Variants in SIMC1 observed in about 807,000 individuals in gnomAD.
SIMC1 encodes the protein SUMO-interacting motif-containing protein 1.
Under a neutral mutation model 82.3 loss-of-function variants are expected in SIMC1, and 55 were observed. The observed-to-expected ratio is 0.67, with a 90% CI of 0.54 to 0.84. The LOEUF (loss-of-function observed/expected upper bound fraction) is 0.84. SIMC1 is among the 40% of genes least tolerant of loss of function. The probability of loss-of-function intolerance (pLI) is 0.00; values close to 1 mark genes in which losing one functional copy is unlikely to be tolerated. For synonymous variants in SIMC1, 353 were observed against 426.3 expected, an observed-to-expected ratio of 0.83 and a Z score of 2.12; for missense variants, 915 against 1,107.2, an observed-to-expected ratio of 0.83 and a Z score of 2.46.
At chr5:176,266,663 AG>A (rs1227388575) in intron 1 of SIMC1, among the ~76,000 whole-genome samples, 2 of 106,182 alleles carry the variant, frequency 1.9e-5, no homozygotes. Context: ...GGAGGGGGAA[AG>A]GGCAGTCAAT....
chr5:176,325,231 A>T (rs531086177), intron 7 of SIMC1, among the ~76,000 whole-genome samples: 16 of 152,170 alleles, frequency 1.1e-4, no homozygotes, highest in African/African-American at 3.6e-4. Flanking sequence ...TACTAAAAAT[A>T]CAAAAATTAG....
intron 7 of SIMC1, among the ~76,000 whole-genome samples, chr5:176,333,874 T>C (rs920715316): frequency 5.9e-5 from 9 of 152,082 alleles, no homozygotes; most frequent in Admixed American, 6.5e-5. Context: ...TTGTTTTCTC[T>C]CTTTCTCTCT....
rs182193299 is a variant in SIMC1 at position 176,327,478 on chromosome 5, G to A, written c.2171+2721G>A. Among the ~76,000 whole-genome samples the A allele has an allele frequency of 1.1e-4, 17 of 152,258 alleles. 1 individual carries two copies. The East Asian group carries it at 3.3e-3, about 29-fold the overall frequency. Reference sequence around the variant, plus strand: ...AACCTTAATAAATTAACTTATTCTAGTAGGATTTTTGTTTGTTTTCCTTAG... The same window carrying A: ...AACCTTAATAAATTAACTTATTCTAATAGGATTTTTGTTTGTTTTCCTTAG... On this transcript the variant is annotated intron_variant, in intron 7 of 9. Transcript: ENST00000429602.
At chr5:176,333,435 T>A (rs949371785) in intron 7 of SIMC1, among the ~76,000 whole-genome samples, 1 of 152,036 alleles carries the variant, frequency 6.6e-6, no homozygotes, top group African/African-American at 2.4e-5. Flanking sequence ...GGTGTTTTGT[T>A]GTGTTTTGTT....
intron 7 of SIMC1, among the ~76,000 whole-genome samples, chr5:176,328,281 A>C (rs1019562428): frequency 6.6e-6 from 1 of 152,144 alleles, no homozygotes; most frequent in African/African-American, 2.4e-5. Flanking sequence ...CTTTTTGTAA[A>C]AAAATGATAA....
At chr5:176,305,908 G>A (rs1295358203) in intron 4 of SIMC1, among the ~76,000 whole-genome samples, 2,117 of 73,574 alleles carry the variant, frequency 0.029, 46 homozygotes, top group Middle Eastern at 0.08. Context: ...GGTGAGGGGC[G>A]CTTCTGCCCG....
At chr5:176,284,617 A>G (rs1763181613) in intron 1 of SIMC1, among the ~76,000 whole-genome samples, 1 of 152,220 alleles carries the variant, frequency 6.6e-6, no homozygotes, top group Non-Finnish European at 1.5e-5. Context: ...TAAAAGAACT[A>G]CAGAAGCAAG....
Position 176,258,379 on chromosome 5 carries a change from T to A in SIMC1, c.129+19742T>A, listed in dbSNP as rs148298055. ...ACCAGATGCTAACTAGTAGAGCAGG[T>A]TTACCACCGCTTGTCTCCATCTTTA... is the stretch of plus-strand genomic sequence containing the variant. On this transcript the variant is annotated intron_variant, in intron 1 of 9. Coordinates refer to ENST00000429602, the MANE Select transcript of SIMC1 (RefSeq NM_001308195.2). Among the ~76,000 whole-genome samples, 430 of 150,846 alleles carry A rather than the reference T, an allele frequency of 2.9e-3. 2 individuals carry two copies. The highest frequency in any genetic ancestry group is 0.01 in the Middle Eastern group (3 of 294).
chr5:176,280,846 C>T (rs1762972144), intron 1 of SIMC1, among the ~76,000 whole-genome samples: 1 of 152,194 alleles, frequency 6.6e-6, no homozygotes, highest in Non-Finnish European at 1.5e-5. Flanking sequence ...CGACCTTTCT[C>T]TCTGGCTGCC....
chr5:176,305,680 GC>G (rs1212857665), intron 4 of SIMC1, among the ~76,000 whole-genome samples: 16 of 114,908 alleles, frequency 1.4e-4, no homozygotes, highest in South Asian at 5.6e-4. Context: ...CCTCTGCCCG[GC>G]CAGCCGCCCC....
At chr5:176,286,480 A>C (rs1190382043) in intron 1 of SIMC1, among the ~76,000 whole-genome samples, 2 of 152,248 alleles carry the variant, frequency 1.3e-5, no homozygotes, top group African/African-American at 4.8e-5. Flanking sequence ...TTATACAAAA[A>C]TTAATTCAAG....
At position 176,290,439 on chromosome 5, in the gene SIMC1, G is replaced by A. The variant is rs1370462878; in HGVS notation, c.915G>A (p.Leu305=). Residue 305 remains leucine, a synonymous_variant, in exon 2 of 10, where the codon CTG becomes CTA. Coordinates refer to ENST00000429602, the MANE Select transcript of SIMC1 (RefSeq NM_001308195.2). ...TACATCCACAAGATGTGGCATACCT[G>A]CAAGACATGCCACGGTCACCAGGAG... ...SILHPQDVAY[L]QDMPRSPGDV... is the part of the protein sequence containing the mutation. 6.2e-7 allele frequency: 1 copy of A among 1,613,990 alleles called. No homozygotes were observed. Among genetic ancestry groups the A allele is most frequent in the Non-Finnish European group, 8.5e-7 (1 of 1,179,894 alleles).
rs141574250 is a variant in SIMC1, at chr5:176,326,179, G to A, written c.2171+1422G>A. On this transcript the variant is annotated intron_variant, in intron 7 of 9. Coordinates refer to ENST00000429602, the MANE Select transcript of SIMC1 (RefSeq NM_001308195.2). ...CAGTGCATCTCCACCAGCTCCATGC[G>A]TGCTTCCCATCCCCATCCCTAAACT... 4.4e-4 allele frequency among the ~76,000 whole-genome samples: 67 copies of A among 152,234 alleles called. No homozygotes were observed. In the East Asian group the frequency reaches 8.1e-3, roughly 18 times the overall value.
rs769410965 is a variant in SIMC1, at chr5:176,295,304, A to T, written c.1664+42A>T. On this transcript the variant is annotated intron_variant, in intron 3 of 9. Transcript: ENST00000429602. ...CTGGCTGTTGGCGAATCTTCTAGGG[A>T]TCTTGGACTCAGGGCATAGCTTTCT... The T allele has an allele frequency of 3.8e-5, 60 of 1,561,160 alleles. No individual in the cohort carries two copies. In the African/African-American group the frequency reaches 6.7e-4, roughly 17 times the overall value.
At chr5:176,333,565 G>A (rs927704619) in intron 7 of SIMC1, among the ~76,000 whole-genome samples, 1 of 151,844 alleles carries the variant, frequency 6.6e-6, no homozygotes, top group Admixed American at 6.6e-5. Flanking sequence ...AAGTAGCTGA[G>A]ATGACAGGTG....
chr5:176,243,486 A>G (rs1761335910), intron 1 of SIMC1, among the ~76,000 whole-genome samples: 1 of 151,824 alleles, frequency 6.6e-6, no homozygotes, highest in Non-Finnish European at 1.5e-5. Context: ...AAATCTTTGA[A>G]GGTTTAAGCA....
intron 5 of SIMC1, among the ~76,000 whole-genome samples, chr5:176,318,068 C>CA (rs1180820532): frequency 6.6e-6 from 1 of 152,164 alleles, no homozygotes. Flanking sequence ...AGTAGTGGCC[C>CA]ACCATCAGTT....
chr5:176,275,281 A>G (rs1265467292), intron 1 of SIMC1, among the ~76,000 whole-genome samples: 3 of 151,588 alleles, frequency 2.0e-5, no homozygotes, highest in Non-Finnish European at 4.4e-5. Context: ...TCTGTCTGTT[A>G]TTGGTGTATA....
At chr5:176,255,741 A>G (rs1761833539) in intron 1 of SIMC1, among the ~76,000 whole-genome samples, 1 of 150,446 alleles carries the variant, frequency 6.6e-6, no homozygotes, top group Non-Finnish European at 1.5e-5. Flanking sequence ...AAAAGAAAAG[A>G]AAAGAAAGAA....
Sources: allele counts gnomAD v4.1 joint callset (sites outside exome capture counted in the v4.1 genomes callset), GRCh38; gene constraint gnomAD v4.1.1; transcripts MANE v1.5; gene names NCBI Gene and HGNC (gene_info 2026-07-23, HGNC 2026-07-21).